THBS3: variants seen among roughly 807,000 people sequenced by gnomAD.
The protein encoded by THBS3 is thrombospondin-3.
A neutral mutation model predicts 118.3 loss-of-function variants in THBS3; 78 were observed. That is an observed-to-expected ratio of 0.66 (90% CI 0.55 to 0.80). THBS3 has a LOEUF of 0.80. Among genes scored for constraint, THBS3 ranks in the 30% least tolerant of loss-of-function variants. THBS3 has a pLI of 0.00. For synonymous variants in THBS3, 427 were observed against 475.3 expected, an observed-to-expected ratio of 0.90 and a Z score of 1.32; for missense variants, 1,057 against 1,247.4, an observed-to-expected ratio of 0.85 and a Z score of 2.30.
chr1:155,201,377 A>G (rs1447809888), intron 11 of THBS3, 40 bp downstream of exon 11: 2 of 1,573,248 alleles, frequency 1.3e-6, no homozygotes, highest in Non-Finnish European at 1.7e-6. Context: ...TCCTTTCCCC[A>G]GACCCTCCCT....
rs774906817 is a variant in THBS3 at position 155,200,965 on chromosome 1, C to T, written c.1480G>A (p.Ala494Thr). 6.2e-6 allele frequency: 10 copies of T among 1,614,074 alleles called. No individual in the cohort carries two copies. The highest frequency in any genetic ancestry group is 6.8e-6 in the Non-Finnish European group (8 of 1,180,042). ...TGGTCCCCCACACCATCATTATCAG[C>T]ATCTTCCTGCCCAGAGTTGGGTGTC... ...LLTPNSGQED[A>T]DNDGVGDQCD... The change falls in exon 13 of 23, where the codon GCT becomes ACT. Residue 494 changes from alanine to threonine, a missense_variant. Physicochemically the swap from Ala to Thr is moderately conservative, Grantham distance 58 (BLOSUM62 0). Coordinates refer to ENST00000368378, the MANE Select transcript of THBS3 (RefSeq NM_007112.5).
At chr1:155,200,415 G>A in intron 14 of THBS3, 36 bp downstream of exon 14, 1 of 1,602,642 alleles carries the variant, frequency 6.2e-7, no homozygotes, top group Non-Finnish European at 8.5e-7. Flanking sequence ...AATTCTCACA[G>A]GTCCCCCAGC....
chr1:155,208,793 G>C, upstream of THBS3: 1 of 1,517,962 alleles, frequency 6.6e-7, no homozygotes, highest in Non-Finnish European at 8.8e-7. Flanking sequence ...AACATAACGC[G>C]CTGTGGAAAA....
rs761282286 is a variant in THBS3 at position 155,197,001 on chromosome 1, C to T, written c.2672+40G>A. On this transcript the variant is annotated intron_variant, in intron 21 of 22. Coordinates refer to ENST00000368378, the MANE Select transcript of THBS3 (RefSeq NM_007112.5). The surrounding 1 kb of genome is among the most constrained non-coding windows in gnomAD (Gnocchi z 5.0). The stretch of plus-strand genomic sequence containing the variant: ...CCCAGCTAAAGAGGAAGGACAGGCC[C>T]GGCCTGAGTCCCACAGGTGGGCTCA... 21 of 1,594,036 alleles carry T rather than the reference C, an allele frequency of 1.3e-5. No individual in the cohort carries two copies. Among genetic ancestry groups the T allele is most frequent in the South Asian group, 4.5e-5 (4 of 89,520 alleles).
chr1:155,209,171 G>A (rs1380148776), upstream of THBS3: 1 of 1,491,170 alleles, frequency 6.7e-7, no homozygotes, highest in South Asian at 1.3e-5. Context: ...AACGATCGGA[G>A]GGGCGGTGGC....
Position 155,200,075 on chromosome 1 carries a change from T to G in THBS3, c.1747A>C (p.Asn583His). The change falls in exon 15 of 23, where the codon AAC becomes CAC. Residue 583 changes from asparagine to histidine, a missense_variant. Transcript: ENST00000368378. ...NGLDNCPKVP[N>H]PLQTDRDEDG... ...TCATCCCTGTCTGTCTGTAGTGGGT[T>G]GGGGACTTTAGGGCAATTGTCCAAT... The G allele has an allele frequency of 6.3e-7, 1 of 1,595,234 alleles. No individual in the cohort carries two copies. Among genetic ancestry groups the G allele is most frequent in the Non-Finnish European group, 8.5e-7 (1 of 1,170,648 alleles).
chr1:155,198,719 A>T, intron 16 of THBS3, 117 bp from the exon 17 acceptor site: 2 of 999,354 alleles, frequency 2.0e-6, no homozygotes, highest in Non-Finnish European at 3.0e-6. Context: ...CCTGGCAGTC[A>T]GCCAGGTGAG....
intron 14 of THBS3, 109 bp downstream of exon 14, chr1:155,200,342 C>G: frequency 1.4e-6 from 2 of 1,432,128 alleles, no homozygotes; most frequent in Non-Finnish European, 1.9e-6. Flanking sequence ...CCAACGTCCA[C>G]AAGCCTGCCT....
At position 155,203,641 on chromosome 1, in the gene THBS3, A is replaced by G. The variant is rs563693652; in HGVS notation, c.647-102T>C. The stretch of plus-strand genomic sequence containing the variant: ...AAGGTGAGGACAGGGACAGGGCTGG[A>G]GCCCCAGAATAAAGATGGGGTGCTG... On this transcript the variant is annotated intron_variant, in intron 4 of 22. Transcript: ENST00000368378. 1.4e-5 allele frequency: 20 copies of G among 1,442,440 alleles called. No individual in the cohort carries two copies. The East Asian group carries it at 4.4e-4, about 32-fold the overall frequency. 89.4% of individuals were successfully genotyped at this position (1,442,440 alleles called of 1,614,324 possible).
chr1:155,203,053 G>T, intron 7 of THBS3, 33 bp downstream of exon 7: 1 of 1,613,976 alleles, frequency 6.2e-7, no homozygotes, highest in Non-Finnish European at 8.5e-7. Flanking sequence ...ACGTGGCACG[G>T]TCATGTGGAG....
At position 155,198,443 on chromosome 1, in the gene THBS3, G is replaced by A; in HGVS notation, c.2040C>T (p.Arg680=). 6.2e-7 allele frequency: 1 copy of A among 1,614,176 alleles called. No individual in the cohort carries two copies. The highest frequency in any genetic ancestry group is 8.5e-7 in the Non-Finnish European group (1 of 1,180,032). Residue 680 remains arginine (R), a synonymous_variant, in exon 17 of 23, where the codon CGC becomes CGT. Coordinates refer to ENST00000368378, the MANE Select transcript of THBS3 (RefSeq NM_007112.5). ...DYVPPGPDNC[R]LVPNPNQKDS... ...CCTTCTGATTGGGATTGGGTACCAG[G>A]CGGCAGTTATCGGGACCAGGAGGCA... is the stretch of plus-strand genomic sequence containing the variant.
rs1268543307 is a variant in THBS3 at position 155,202,458 on chromosome 1, T to C, written c.958-57A>G. 6.3e-6 allele frequency: 10 copies of C among 1,593,608 alleles called. No homozygotes were observed. Among genetic ancestry groups the C allele is most frequent in the Non-Finnish European group, 7.7e-6 (9 of 1,170,396 alleles). On this transcript the variant is annotated intron_variant, in intron 8 of 22. Coordinates refer to ENST00000368378, the MANE Select transcript of THBS3 (RefSeq NM_007112.5). This position sits in a 1 kb window ranked among gnomAD's most constrained non-coding sequence, Gnocchi z 5.5. ...CCGCCCTCTGGGAAACTCAGGTCCC[T>C]GCCTGTGATCCAGGAACCATTGCTC...
chr1:155,206,537 G>T lies in THBS3; in HGVS notation c.80-131C>A. On this transcript the variant is annotated intron_variant, in intron 1 of 22. Coordinates refer to ENST00000368378, the MANE Select transcript of THBS3 (RefSeq NM_007112.5). This position sits in a 1 kb window ranked among gnomAD's most constrained non-coding sequence, Gnocchi z 4.2. ...TCACCTCAAAATTCAACCCTTGGCT[G>T]GGCATGGTGGCTCGCACCTGTAATC... The T allele has an allele frequency of 1.3e-6, 1 of 767,794 alleles. No homozygotes were observed. Among genetic ancestry groups the T allele is most frequent in the Non-Finnish European group, 2.1e-6 (1 of 467,498 alleles). 47.6% of individuals were successfully genotyped at this position (767,794 alleles called of 1,614,324 possible).
At chr1:155,208,515 A>G (rs139540192), upstream of THBS3, among the ~76,000 whole-genome samples, 4 of 152,328 alleles carry the variant, frequency 2.6e-5, no homozygotes, top group Non-Finnish European at 5.9e-5. Flanking sequence ...AAGAAACCAA[A>G]AAAGAGGAAA....
At chr1:155,209,066 C>T, upstream of THBS3, 2 of 1,538,990 alleles carry the variant, frequency 1.3e-6, no homozygotes, top group Admixed American at 2.0e-5. Flanking sequence ...GCCGCCCTCC[C>T]CCGAGGCCCG....
rs755247022 is a variant in THBS3 at position 155,206,171 on chromosome 1, T to C, written c.286+29A>G. Reference sequence around the variant, plus strand: ...GGGAGAGTGCTTAAGGAGGTCACCATTGCAAGAAAGGAGATGCCCACCAGT... The same window carrying C: ...GGGAGAGTGCTTAAGGAGGTCACCACTGCAAGAAAGGAGATGCCCACCAGT... On this transcript the variant is annotated intron_variant, in intron 2 of 22. Coordinates refer to ENST00000368378, the MANE Select transcript of THBS3 (RefSeq NM_007112.5). The surrounding 1 kb of genome is among the most constrained non-coding windows in gnomAD (Gnocchi z 4.2). 46 of 1,611,454 alleles carry C rather than the reference T, an allele frequency of 2.9e-5. 1 individual carries two copies. The Admixed American group carries it at 4.7e-4, about 16-fold the overall frequency.
chr1:155,200,647 C>A (rs749184987), intron 13 of THBS3, 37 bp from the exon 14 acceptor site: 1 of 1,607,090 alleles, frequency 6.2e-7, no homozygotes, highest in African/African-American at 1.3e-5. Context: ...GTCAGGTCTC[C>A]CCTAAATCAC....
At chr1:155,199,969 C>A (rs1300243120) in intron 15 of THBS3, 26 bp downstream of exon 15, 1 of 1,602,972 alleles carries the variant, frequency 6.2e-7, no homozygotes, top group Non-Finnish European at 8.5e-7. Context: ...CCTCATCCCT[C>A]CCCTGTCCTT....
chr1:155,207,989 A>C, upstream of THBS3: 8 of 445,500 alleles, frequency 1.8e-5, no homozygotes, highest in Non-Finnish European at 2.3e-5. Flanking sequence ...GGGGGCCAGC[A>C]GGCGGGTGAG....
Sources: allele counts gnomAD v4.1 joint callset (sites outside exome capture counted in the v4.1 genomes callset), GRCh38; gene constraint gnomAD v4.1.1; non-coding constraint Gnocchi (gnomAD v3.1); transcripts MANE v1.5; gene names NCBI Gene and HGNC (gene_info 2026-07-23, HGNC 2026-07-21).